Variants in LINGO2 observed in about 807,000 individuals in gnomAD.
The protein encoded by LINGO2 is leucine rich repeat and Ig domain containing 2.
A neutral mutation model predicts 30.6 loss-of-function variants in LINGO2; 14 were observed. The ratio of observed to expected loss-of-function variants is 0.46; its 90% CI spans 0.30 to 0.72. LINGO2 has a LOEUF of 0.72. LINGO2 is among the 30% of genes least tolerant of loss of function. The probability of loss-of-function intolerance (pLI) is 0.07; values close to 1 mark genes in which losing one functional copy is unlikely to be tolerated. For synonymous variants in LINGO2, 317 were observed against 288.5 expected, an observed-to-expected ratio of 1.10 and a Z score of -1.00; for missense variants, 729 against 751.7, an observed-to-expected ratio of 0.97 and a Z score of 0.35.
chr9:29,043,016 G>A, the LINGO2 span, among the ~76,000 whole-genome samples: 1 of 151,862 alleles, frequency 6.6e-6, no homozygotes, highest in Non-Finnish European at 1.5e-5. Context: ...TCTGTACAGA[G>A]AGGCCACATG....
At chr9:29,172,137 A>AT in the LINGO2 span, among the ~76,000 whole-genome samples, 1 of 151,902 alleles carries the variant, frequency 6.6e-6, no homozygotes. Context: ...AGTAAATCCT[A>AT]TTTTTTAAAT....
chr9:28,224,176 TG>T, intron 4 of LINGO2, among the ~76,000 whole-genome samples: 1 of 152,286 alleles, frequency 6.6e-6, no homozygotes, highest in South Asian at 2.1e-4. Context: ...ACCATTCTCC[TG>T]CCTCAGCCTC....
intron 3 of LINGO2, among the ~76,000 whole-genome samples, chr9:28,350,371 T>G (rs1455725420): frequency 6.8e-6 from 1 of 147,282 alleles, no homozygotes; most frequent in East Asian, 2.0e-4. Flanking sequence ...TAAAACAGAC[T>G]TTAAAGCAAC....
At chr9:28,197,352 T>TA (rs1026139661) in intron 4 of LINGO2, among the ~76,000 whole-genome samples, 1 of 151,818 alleles carries the variant, frequency 6.6e-6, no homozygotes, top group Non-Finnish European at 1.5e-5. Context: ...GTTATAAGGC[T>TA]AAAATATCTT....
the LINGO2 span, among the ~76,000 whole-genome samples, chr9:29,213,297 C>A: frequency 6.2e-4 from 94 of 152,286 alleles, no homozygotes; most frequent in Non-Finnish European, 9.7e-4. Context: ...GCCCCTCCCC[C>A]CTTTCTCCCC....
chr9:28,309,895 A>G (rs913476511), intron 3 of LINGO2, among the ~76,000 whole-genome samples: 3 of 152,142 alleles, frequency 2.0e-5, no homozygotes, highest in Non-Finnish European at 2.9e-5. Context: ...ATGGCACATC[A>G]GCACATGAAA....
intron 3 of LINGO2, among the ~76,000 whole-genome samples, chr9:28,336,938 C>G (rs1225451186): frequency 2.6e-5 from 4 of 151,774 alleles, no homozygotes; most frequent in Non-Finnish European, 5.9e-5. Flanking sequence ...AGAATTATTT[C>G]TCTCAGTAAT....
At chr9:28,678,673 T>C in the LINGO2 span, among the ~76,000 whole-genome samples, 2 of 152,112 alleles carry the variant, frequency 1.3e-5, no homozygotes, top group Admixed American at 6.6e-5. Context: ...AACTAAGCAC[T>C]CAGAACAGGG....
At chr9:28,780,555 G>A in the LINGO2 span, among the ~76,000 whole-genome samples, 1 of 152,066 alleles carries the variant, frequency 6.6e-6, no homozygotes, top group African/African-American at 2.4e-5. Context: ...AATTTTCAAA[G>A]GCCTCTGTCT....
the LINGO2 span, among the ~76,000 whole-genome samples, chr9:28,695,066 C>A: frequency 6.7e-6 from 1 of 150,354 alleles, no homozygotes; most frequent in Non-Finnish European, 1.5e-5. Flanking sequence ...AACAAACAAA[C>A]AAACAAACAA....
the LINGO2 span, among the ~76,000 whole-genome samples, chr9:28,783,978 T>C: frequency 6.6e-6 from 1 of 152,168 alleles, no homozygotes; most frequent in African/African-American, 2.4e-5. Context: ...ATCCCATTCA[T>C]GAAAGCTCTG....
chr9:28,131,780 A>G (rs926509139), intron 4 of LINGO2, among the ~76,000 whole-genome samples: 3 of 152,188 alleles, frequency 2.0e-5, no homozygotes, highest in Non-Finnish European at 4.4e-5. Context: ...GAACAAATCA[A>G]AGGTAACAAA....
At chr9:28,813,372 T>C in the LINGO2 span, among the ~76,000 whole-genome samples, 1 of 152,208 alleles carries the variant, frequency 6.6e-6, no homozygotes, top group African/African-American at 2.4e-5. Flanking sequence ...AGAAAAATTA[T>C]AACAATATAC....
At chr9:29,207,519 T>A in the LINGO2 span, among the ~76,000 whole-genome samples, 1 of 152,154 alleles carries the variant, frequency 6.6e-6, no homozygotes, top group Non-Finnish European at 1.5e-5. Context: ...GGGAATCTTA[T>A]ATTTTTGCAC....
the LINGO2 span, among the ~76,000 whole-genome samples, chr9:28,948,436 A>G: frequency 6.6e-6 from 1 of 152,082 alleles, no homozygotes; most frequent in African/African-American, 2.4e-5. Flanking sequence ...AGCTTTTATA[A>G]ATCTATAAAT....
intron 3 of LINGO2, among the ~76,000 whole-genome samples, chr9:28,349,198 T>A (rs1819738913): frequency 1.3e-5 from 2 of 152,100 alleles, no homozygotes; most frequent in Admixed American, 1.3e-4. Context: ...ATCAAATTAT[T>A]CTGAGCTACG....
the LINGO2 span, among the ~76,000 whole-genome samples, chr9:28,684,641 C>T: frequency 6.6e-6 from 1 of 151,790 alleles, no homozygotes; most frequent in African/African-American, 2.4e-5. Context: ...GCCTCAGCCT[C>T]CCAAGTAGCT....
At chr9:28,498,596 T>C (rs373588857) in intron 1 of LINGO2, among the ~76,000 whole-genome samples, 15 of 152,268 alleles carry the variant, frequency 9.9e-5, no homozygotes, top group African/African-American at 3.6e-4. Context: ...CCAGACCACT[T>C]GCGCTTCCCG....
intron 1 of LINGO2, among the ~76,000 whole-genome samples, chr9:28,509,401 T>C (rs940547936): frequency 4.6e-5 from 7 of 152,240 alleles, no homozygotes; most frequent in African/African-American, 1.2e-4. Flanking sequence ...GTTCTGACTA[T>C]TGACCACCTT....
Sources: gnomAD v4.1 joint callset for allele counts (sites outside exome capture counted in the v4.1 genomes callset) on GRCh38, gnomAD v4.1.1 for gene constraint, MANE v1.5 for transcripts, NCBI Gene and HGNC (gene_info 2026-07-23, HGNC 2026-07-21) for gene names.